NLGN1: variants seen among roughly 807,000 people sequenced by gnomAD.
The protein encoded by NLGN1 is neuroligin 1.
NLGN1 carries 12 observed loss-of-function variants against 65.5 expected under a neutral mutation model. The ratio of observed to expected loss-of-function variants is 0.18; its 90% CI spans 0.12 to 0.30. NLGN1 has a LOEUF of 0.30. Ranked by LOEUF, NLGN1 falls within the 10% of genes least tolerant of loss-of-function variation. The pLI is 1.00. For synonymous variants in NLGN1, 350 were observed against 359.5 expected, an observed-to-expected ratio of 0.97 and a Z score of 0.30; for missense variants, 750 against 1,007.1, an observed-to-expected ratio of 0.74 and a Z score of 3.46.
At chr3:173,560,428 AGAAGAAAACAAGG>A (rs1401144514) in intron 2 of NLGN1, among the ~76,000 whole-genome samples, 1 of 152,180 alleles carries the variant, frequency 6.6e-6, no homozygotes, top group African/African-American at 2.4e-5. Flanking sequence ...GGGAAAAGGC[AGAAGAAAACAAGG>A]GAAGAGAAGA....
At chr3:173,580,082 G>A (rs1470001499) in intron 2 of NLGN1, among the ~76,000 whole-genome samples, 1 of 152,020 alleles carries the variant, frequency 6.6e-6, no homozygotes, top group Non-Finnish European at 1.5e-5. Context: ...GAGCTGAATT[G>A]ATTTGACCTG....
chr3:174,105,876 A>G (rs1035162246), intron 4 of NLGN1, among the ~76,000 whole-genome samples: 1 of 152,116 alleles, frequency 6.6e-6, no homozygotes, highest in African/African-American at 2.4e-5. Flanking sequence ...GAATGGCTAC[A>G]CTATCCCATG....
intron 3 of NLGN1, among the ~76,000 whole-genome samples, chr3:173,697,704 G>GT (rs1042731317): frequency 2.1e-4 from 32 of 152,014 alleles, no homozygotes; most frequent in African/African-American, 7.5e-4. Context: ...ATTTTGTATT[G>GT]TTTTTTGTAG....
chr3:173,793,780 A>G (rs946058724), intron 3 of NLGN1, among the ~76,000 whole-genome samples: 3 of 152,228 alleles, frequency 2.0e-5, no homozygotes, highest in South Asian at 4.1e-4. Context: ...GCAGGCTTCT[A>G]TATAAAATAT....
chr3:173,571,045 T>C (rs1744569510), intron 2 of NLGN1, among the ~76,000 whole-genome samples: 1 of 152,182 alleles, frequency 6.6e-6, no homozygotes, highest in Non-Finnish European at 1.5e-5. Flanking sequence ...ACAAAAAATA[T>C]GTTGAAAGCC....
Position 173,962,350 on chromosome 3 carries a change from GCC to G in NLGN1, c.646+154521_646+154522del, listed in dbSNP as rs1713800784. Among the ~76,000 whole-genome samples, 7 of 152,160 alleles carry G rather than the reference GCC, an allele frequency of 4.6e-5. No individual in the cohort carries two copies. In the South Asian group the frequency reaches 1.5e-3, roughly 32 times the overall value. On this transcript the variant is annotated intron_variant, in intron 4 of 6. Coordinates refer to ENST00000457714, the Ensembl canonical transcript of NLGN1. ...TGTCAAACATCACCTTAAGTTGGAA[GCC>G]CCATTAAGAGGGAATTTTACTCTCT...
intron 4 of NLGN1, among the ~76,000 whole-genome samples, chr3:173,817,187 A>G (rs568883024): frequency 2.6e-5 from 4 of 152,336 alleles, no homozygotes; most frequent in East Asian, 3.9e-4. Flanking sequence ...TTTGCATGCT[A>G]ACAGAGCTCA....
intron 4 of NLGN1, among the ~76,000 whole-genome samples, chr3:174,033,268 A>G (rs558591731): frequency 6.6e-6 from 1 of 152,308 alleles, no homozygotes; most frequent in East Asian, 1.9e-4. Context: ...AAGGAATTAA[A>G]GACCTCTGGC....
At chr3:174,155,907 T>C (rs1215778756) in intron 4 of NLGN1, among the ~76,000 whole-genome samples, 1 of 151,980 alleles carries the variant, frequency 6.6e-6, no homozygotes, top group African/African-American at 2.4e-5. Context: ...AGTTATTCCT[T>C]TAATTTGTTT....
chr3:173,449,721 A>G (rs904461174), intron 2 of NLGN1, among the ~76,000 whole-genome samples: 4 of 152,072 alleles, frequency 2.6e-5, no homozygotes, highest in Non-Finnish European at 5.9e-5. Flanking sequence ...GTCACTAAGG[A>G]CTTGCTTTAT....
At chr3:173,845,340 A>T (rs775269918) in intron 4 of NLGN1, among the ~76,000 whole-genome samples, 3 of 152,182 alleles carry the variant, frequency 2.0e-5, no homozygotes, top group African/African-American at 4.8e-5. Context: ...GCTTGTATGT[A>T]CTGGGAGACA....
chr3:173,731,503 T>C (rs1450999247), intron 3 of NLGN1, among the ~76,000 whole-genome samples: 2 of 152,098 alleles, frequency 1.3e-5, no homozygotes, highest in Non-Finnish European at 2.9e-5. Flanking sequence ...TCTGCAGAAC[T>C]ATTGAGAGGA....
chr3:173,587,845 A>G (rs1344105651), intron 2 of NLGN1, among the ~76,000 whole-genome samples: 1 of 149,626 alleles, frequency 6.7e-6, no homozygotes, highest in Non-Finnish European at 1.5e-5. Context: ...AAAACCTTTT[A>G]TGTGTTGCAA....
rs1769634749 is a variant in NLGN1, at chr3:173,715,155, TTCACTTC to T, written c.494-92523_494-92517del. Among the ~76,000 whole-genome samples, 3 of 152,172 alleles carry T rather than the reference TTCACTTC, an allele frequency of 2.0e-5. No homozygotes were observed. In the South Asian group the frequency reaches 6.2e-4, roughly 32 times the overall value. On this transcript the variant is annotated intron_variant, in intron 3 of 6. Transcript: ENST00000457714. ...GGTGGAATCAGTAAGACAATGTTTT[TTCACTTC>T]TTAAAATGGGATTACAGGTCTTGGC...
chr3:173,734,381 ATTT>A (rs71162356), intron 3 of NLGN1, among the ~76,000 whole-genome samples: 497 of 40,078 alleles, frequency 0.012, no homozygotes, highest in Middle Eastern at 0.029. Context: ...GGATAATTCT[ATTT>A]TTTTTTTTTT....
chr3:174,032,682 T>C (rs1730271583), intron 4 of NLGN1, among the ~76,000 whole-genome samples: 1 of 151,990 alleles, frequency 6.6e-6, no homozygotes, highest in Non-Finnish European at 1.5e-5. Flanking sequence ...AATCTTATGG[T>C]GAAGAACCAA....
In NLGN1 at chr3:174,270,105, C is replaced by T. The variant is rs1413163040; in HGVS notation, c.647-5210C>T. Among the ~76,000 whole-genome samples the T allele has an allele frequency of 8.5e-5, 12 of 141,202 alleles. 1 individual carries two copies. Among genetic ancestry groups the T allele is most frequent in the Non-Finnish European group, 1.7e-4 (11 of 65,706 alleles). The allele number at this position is 141,202 out of a possible 152,430, so 92.6% of individuals were successfully genotyped here. A position where few individuals can be genotyped will look rare whatever the true frequency, so the allele number is the denominator to read the frequency against. ...ATATATAATTTGCAATTGTTTTCTC[C>T]CATTCTGTTGGTTTCCTTTCTTTTT... On this transcript the variant is annotated intron_variant, in intron 4 of 6. Coordinates refer to ENST00000457714, the Ensembl canonical transcript of NLGN1.
intron 3 of NLGN1, among the ~76,000 whole-genome samples, chr3:173,669,488 C>T (rs1478872530): frequency 6.6e-6 from 1 of 152,158 alleles, no homozygotes; most frequent in Non-Finnish European, 1.5e-5. Flanking sequence ...ATAACACTCT[C>T]CCTGTGTGCA....
At chr3:174,062,179 TA>T (rs1312985585) in intron 4 of NLGN1, among the ~76,000 whole-genome samples, 1 of 152,102 alleles carries the variant, frequency 6.6e-6, no homozygotes, top group African/African-American at 2.4e-5. Flanking sequence ...ACTGAGTGTT[TA>T]AAAGGTTTTA....
Sources: allele counts gnomAD v4.1 joint callset (sites outside exome capture counted in the v4.1 genomes callset), GRCh38; gene constraint gnomAD v4.1.1; transcripts MANE v1.5; gene names NCBI Gene and HGNC (gene_info 2026-07-23, HGNC 2026-07-21).